Variants in TK2 observed in about 807,000 individuals in gnomAD.
TK2 encodes thymidine kinase 2, mitochondrial.
In TK2, 35 loss-of-function variants were observed where a neutral mutation model predicts 41.9. The observed-to-expected ratio is 0.84, with a 90% CI of 0.64 to 1.11. The LOEUF (loss-of-function observed/expected upper bound fraction) is 1.11, where lower values mean the gene tolerates loss of function less well. Among genes scored for constraint, TK2 ranks in the 50% least tolerant of loss-of-function variants. The probability of loss-of-function intolerance (pLI) is 0.00; values close to 1 mark genes in which losing one functional copy is unlikely to be tolerated. For synonymous variants in TK2, 128 were observed against 129.1 expected (o/e 0.99, Z 0.06); for missense variants, 320 against 351.1 (o/e 0.91, Z 0.71).
chr16:66,546,285 T>G (rs1269031534), intron 2 of TK2, among the ~76,000 whole-genome samples: 1 of 152,240 alleles, frequency 6.6e-6, no homozygotes, highest in African/African-American at 2.4e-5. Flanking sequence ...TGGTGTTTAC[T>G]CTGTAGTGCT....
In TK2 at chr16:66,512,081, C is replaced by A. The variant is rs764174636; in HGVS notation, c.700-15G>T. The A allele has an allele frequency of 6.2e-7, 1 of 1,610,676 alleles. No individual in the cohort carries two copies. The highest frequency in any genetic ancestry group is 8.5e-7 in the Non-Finnish European group (1 of 1,176,826). ...GCCTCAATCACCTGGAAATTAGACA[C>A]ATGGGTCACAAGGCTGCACTGACCT... On this transcript the variant is annotated splice_polypyrimidine_tract_variant and intron_variant, in intron 9 of 9. Transcript: ENST00000544898.
At chr16:66,526,104 C>T (rs938919737) in intron 6 of TK2, among the ~76,000 whole-genome samples, 14 of 152,218 alleles carry the variant, frequency 9.2e-5, no homozygotes, top group East Asian at 1.9e-4. Context: ...GAACTGTGAC[C>T]GGCCAAACAA....
At chr16:66,549,184 G>A (rs1033587966) in intron 1 of TK2, 175 bp from the exon 2 acceptor site, 10 of 1,465,598 alleles carry the variant, frequency 6.8e-6, no homozygotes, top group Non-Finnish European at 9.0e-6. Flanking sequence ...TCGCCGATGT[G>A]CCACCCTGGG....
chr16:66,528,176 G>A (rs182257410), intron 6 of TK2, among the ~76,000 whole-genome samples: 138 of 152,288 alleles, frequency 9.1e-4, no homozygotes, highest in Non-Finnish European at 1.4e-3. Flanking sequence ...GGCCTCCAGC[G>A]TTGACATCCG....
At position 66,514,312 on chromosome 16, in the gene TK2, G is replaced by C. The variant is rs1464729097; in HGVS notation, c.619-501C>G. 6.6e-6 allele frequency among the ~76,000 whole-genome samples: 1 copy of C among 152,246 alleles called. No homozygotes were observed. The highest frequency in any genetic ancestry group is 6.5e-5 in the Admixed American group (1 of 15,286). On this transcript the variant is annotated intron_variant, in intron 8 of 9. Coordinates refer to ENST00000544898, the MANE Select transcript of TK2 (RefSeq NM_004614.5). This position sits in a 1 kb window ranked among gnomAD's most constrained non-coding sequence, Gnocchi z 4.2. The stretch of plus-strand genomic sequence containing the variant: ...TTTTCGTATTTTTTGGTGGAGACGG[G>C]GTTTCGCTGTGTTGGCCGGGCTGGT...
intron 4 of TK2, among the ~76,000 whole-genome samples, chr16:66,534,625 C>T (rs982449676): frequency 1.3e-5 from 2 of 152,240 alleles, no homozygotes; most frequent in African/African-American, 2.4e-5. Flanking sequence ...GCCTCTGCAG[C>T]GCCTTCTGCC....
chr16:66,522,495 T>C (rs983804518), intron 6 of TK2, among the ~76,000 whole-genome samples: 5 of 152,238 alleles, frequency 3.3e-5, no homozygotes, highest in African/African-American at 1.2e-4. Flanking sequence ...CACAGTCACC[T>C]GTGTGGCCTC....
chr16:66,548,481 C>T (rs1172908430), intron 2 of TK2, among the ~76,000 whole-genome samples: 1 of 152,182 alleles, frequency 6.6e-6, no homozygotes, highest in Non-Finnish European at 1.5e-5. Flanking sequence ...TTCAGCCTCA[C>T]ACTAGTCACA....
rs1965742651 is a variant in TK2 at position 66,549,997 on chromosome 16, C to T, written c.65G>A (p.Arg22His). The T allele has an allele frequency of 5.9e-6, 9 of 1,522,516 alleles. No homozygotes were observed. Among genetic ancestry groups the T allele is most frequent in the Non-Finnish European group, 7.0e-6 (8 of 1,139,756 alleles). 94.3% of individuals were successfully genotyped at this position (1,522,516 alleles called of 1,614,324 possible). A position where few individuals can be genotyped will look rare whatever the true frequency, so the allele number is the denominator to read the frequency against. The change falls in exon 1 of 10, where the codon CGC becomes CAC. Residue 22 changes from arginine (R) to histidine (H), a missense_variant. Physicochemically the swap from Arg to His is conservative, Grantham distance 29. Transcript: ENST00000544898. ...RALRCFGPGSRGSPASGPGPR... is the reference protein window; with the variant it reads ...RALRCFGPGSHGSPASGPGPR... ...CCCGGGGCCTGAGGCCGGGCTCCCGCGACTTCCCGGCCCAAAGCAGCGCAG... is the reference window on the plus strand; with the variant it reads ...CCCGGGGCCTGAGGCCGGGCTCCCGTGACTTCCCGGCCCAAAGCAGCGCAG...
rs564926183 is a variant in TK2, at chr16:66,514,029, C to A, written c.619-218G>T. On this transcript the variant is annotated intron_variant, in intron 8 of 9. Coordinates refer to ENST00000544898, the MANE Select transcript of TK2 (RefSeq NM_004614.5). This position sits in a 1 kb window ranked among gnomAD's most constrained non-coding sequence, Gnocchi z 4.2. ...AAACAGCACAAGTGTCACCAGCCAC[C>A]CTGCTCTGCTCCACTGGGGGTTCGT... Among the ~76,000 whole-genome samples the A allele has an allele frequency of 2.9e-4, 44 of 152,336 alleles. 1 individual carries two copies. The highest frequency in any genetic ancestry group is 2.5e-3 in the Admixed American group (39 of 15,306).
Position 66,529,022 on chromosome 16 carries a change from A to G in TK2, c.421T>C (p.Tyr141His), listed in dbSNP as rs879655330. The G allele has an allele frequency of 3.1e-6, 5 of 1,614,188 alleles. No individual in the cohort carries two copies. The highest frequency in any genetic ancestry group is 2.5e-6 in the Non-Finnish European group (3 of 1,180,028). Residue 141 changes from tyrosine (Y) to histidine (H), a missense_variant, in exon 6 of 10, where the codon TAC becomes CAC. By Grantham distance (83) the Tyr-to-His change is moderately conservative. Coordinates refer to ENST00000544898, the MANE Select transcript of TK2 (RefSeq NM_004614.5). Reference protein sequence around the residue: ...LMERSIHSARYIFVENLYRSG... With the variant: ...LMERSIHSARHIFVENLYRSG... ...CTATACAGGTTTTCTACAAAAATGTATCTTGCGCTGTGAATCGACCTCTCC... is the reference window on the plus strand; with the variant it reads ...CTATACAGGTTTTCTACAAAAATGTGTCTTGCGCTGTGAATCGACCTCTCC...
Position 66,550,044 on chromosome 16 carries a change from C to T in TK2, c.18G>A (p.Leu6=). 6.4e-7 allele frequency: 1 copy of T among 1,566,732 alleles called. No homozygotes were observed. Among genetic ancestry groups the T allele is most frequent in the Non-Finnish European group, 8.6e-7 (1 of 1,157,416 alleles). The stretch of plus-strand genomic sequence containing the variant: ...GCAGCGCCCGGGCGGCCCAGCCCCG[C>T]AGCGGCCACAGCAGCATAGCCGGGC... MLLWP[L]RGWAARALRC... The change falls in exon 1 of 10, where the codon CTG becomes CTA. Residue 6 remains leucine (L), a synonymous_variant. Transcript: ENST00000544898.
At position 66,511,939 on chromosome 16, in the gene TK2, T is replaced by C. The variant is rs999633364; in HGVS notation, c.*29A>G. 36 of 1,607,226 alleles carry C rather than the reference T, an allele frequency of 2.2e-5. No individual in the cohort carries two copies. Among genetic ancestry groups the C allele is most frequent in the Non-Finnish European group, 3.1e-5 (36 of 1,173,832 alleles). ...CTAACTTGGCAGCAGCAGGCATTTT[T>C]CAGACATGAGCCATAGACCTTTTGC... On this transcript the variant is annotated 3_prime_UTR_variant, in exon 10 of 10. Coordinates refer to ENST00000544898, the MANE Select transcript of TK2 (RefSeq NM_004614.5).
At position 66,549,773 on chromosome 16, in the gene TK2, G is replaced by A. The variant is rs545245208; in HGVS notation, c.124+165C>T. 4 of 1,279,288 alleles carry A rather than the reference G, an allele frequency of 3.1e-6. No homozygotes were observed. The East Asian group carries it at 1.3e-4, about 41-fold the overall frequency. 79.2% of individuals were successfully genotyped at this position (1,279,288 alleles called of 1,614,324 possible). A position where few individuals can be genotyped will look rare whatever the true frequency, so the allele number is the denominator to read the frequency against. ...CCCCCAGCGCTCGCTGCGGTCTCGC[G>A]CCCGGGTAACGGCCGATGGCCGCCC... On this transcript the variant is annotated intron_variant, in intron 1 of 9. Coordinates refer to ENST00000544898, the MANE Select transcript of TK2 (RefSeq NM_004614.5).
chr16:66,541,811 C>T (rs1965464562), intron 3 of TK2, 68 bp downstream of exon 3: 3 of 1,539,774 alleles, frequency 1.9e-6, no homozygotes, highest in Admixed American at 1.7e-5. Context: ...CAAGGTTAGT[C>T]CACACCCTCT....
In TK2 at chr16:66,510,652, G is replaced by A. The variant is rs1353770706; in HGVS notation, c.*1316C>T. 2.0e-5 allele frequency: 3 copies of A among 152,226 alleles called. No individual in the cohort carries two copies. The highest frequency in any genetic ancestry group is 2.9e-5 in the Non-Finnish European group (2 of 68,058). 9.4% of individuals were successfully genotyped at this position (152,226 alleles called of 1,614,324 possible). The stretch of plus-strand genomic sequence containing the variant: ...CAGCTGCTCTGAGAGGCTGTGGCCT[G>A]TTTCTCCAGAGTTGAGCCTTAATCC... On this transcript the variant is annotated 3_prime_UTR_variant, in exon 10 of 10. Transcript: ENST00000544898.
chr16:66,540,583 A>C (rs1030872441), intron 3 of TK2, among the ~76,000 whole-genome samples: 1 of 152,256 alleles, frequency 6.6e-6, no homozygotes, highest in African/African-American at 2.4e-5. Context: ...GAGAGCCATC[A>C]ATAGAGAAGA....
rs1032689578 is a variant in TK2 at position 66,508,515 on chromosome 16, A to C, written c.*3453T>G. 2.0e-5 allele frequency: 3 copies of C among 152,266 alleles called. No homozygotes were observed. The highest frequency in any genetic ancestry group is 4.4e-5 in the Non-Finnish European group (3 of 68,062). 9.4% of individuals were successfully genotyped at this position (152,266 alleles called of 1,614,324 possible). A position where few individuals can be genotyped will look rare whatever the true frequency, so the allele number is the denominator to read the frequency against. ...TAACTCTTCAGGGTGGAGAGGGCCAAGGAGATGGGTGTTCCTCATTCCACA... is the reference window on the plus strand; with the variant it reads ...TAACTCTTCAGGGTGGAGAGGGCCACGGAGATGGGTGTTCCTCATTCCACA... On this transcript the variant is annotated 3_prime_UTR_variant, in exon 10 of 10. Coordinates refer to ENST00000544898, the MANE Select transcript of TK2 (RefSeq NM_004614.5).
intron 5 of TK2, among the ~76,000 whole-genome samples, chr16:66,529,308 T>G (rs968945922): frequency 3.3e-5 from 5 of 152,218 alleles, no homozygotes; most frequent in Admixed American, 2.6e-4. Context: ...CAAAGCTGCA[T>G]GCATGGCCCA....
Sources: allele counts gnomAD v4.1 joint callset (sites outside exome capture counted in the v4.1 genomes callset), GRCh38; gene constraint gnomAD v4.1.1; non-coding constraint Gnocchi (gnomAD v3.1); transcripts MANE v1.5; gene names NCBI Gene and HGNC (gene_info 2026-07-23, HGNC 2026-07-21).